The following ABI3BP variants were observed in gnomAD, a reference collection of about 807,000 sequenced individuals.
ABI3BP encodes ABI family member 3 binding protein, also known as target of Nesh-SH3.
In ABI3BP, 216 loss-of-function variants were observed where a neutral mutation model predicts 268.6. That is an observed-to-expected ratio of 0.80 (90% CI 0.72 to 0.90). The LOEUF is 0.90. Ranked by LOEUF, ABI3BP falls within the 40% of genes least tolerant of loss-of-function variation. ABI3BP has a pLI of 0.00. For missense variants in ABI3BP, 2,090 were observed against 2,182.4 expected (o/e 0.96, Z 0.84); for synonymous variants, 730 against 730.0 (o/e 1.00, Z 0.00).
At chr3:100,823,358 T>C (rs1182996018) in intron 37 of ABI3BP, 100 bp downstream of exon 37, 1 of 987,468 alleles carries the variant, frequency 1.0e-6, no homozygotes, top group Non-Finnish European at 1.5e-6. Flanking sequence ...AAGAGTTGAA[T>C]GGCCATCAAG....
At chr3:100,969,633 G>A (rs1215362717) in intron 1 of ABI3BP, among the ~76,000 whole-genome samples, 5 of 152,074 alleles carry the variant, frequency 3.3e-5, no homozygotes, top group South Asian at 4.1e-4. Flanking sequence ...TTTAAATCTC[G>A]AGGCATAGCT....
In ABI3BP at chr3:100,955,475, G is replaced by A. The variant is rs144755923; in HGVS notation, c.80-28994C>T. Among the ~76,000 whole-genome samples the A allele has an allele frequency of 5.1e-3, 767 of 151,606 alleles. 10 individuals are homozygous for A. Among genetic ancestry groups the A allele is most frequent in the African/African-American group, 0.016 (662 of 41,378 alleles). On this transcript the variant is annotated intron_variant, in intron 1 of 67. Transcript: ENST00000471714. ...GCAACTATTAAATATAGTGGCAGCC[G>A]TATTAGATGTTTGACTTATTTGTTT...
intron 1 of ABI3BP, among the ~76,000 whole-genome samples, chr3:100,961,187 C>A (rs1345494762): frequency 6.6e-6 from 1 of 152,238 alleles, no homozygotes. Context: ...TGATTTCAGG[C>A]ACTGAAATAC....
intron 1 of ABI3BP, among the ~76,000 whole-genome samples, chr3:100,976,634 C>T (rs1414211300): frequency 6.6e-6 from 1 of 152,108 alleles, no homozygotes; most frequent in Non-Finnish European, 1.5e-5. Flanking sequence ...TTTCATAATG[C>T]CTACCCTGGA....
chr3:100,977,808 T>C (rs143482491), intron 1 of ABI3BP, among the ~76,000 whole-genome samples: 122 of 152,306 alleles, frequency 8.0e-4, no homozygotes, highest in African/African-American at 2.8e-3. Context: ...ACTACCACAC[T>C]TAAATTTTTT....
At chr3:100,877,426 A>T (rs546961588) in intron 6 of ABI3BP, among the ~76,000 whole-genome samples, 1 of 152,306 alleles carries the variant, frequency 6.6e-6, no homozygotes, top group Non-Finnish European at 1.5e-5. Context: ...ACTTTCAACC[A>T]TTCTGCACAT....
In ABI3BP at chr3:100,978,756, C is replaced by A. The variant is rs1171515553; in HGVS notation, c.79+14550G>T. Among the ~76,000 whole-genome samples, 3 of 152,170 alleles carry A rather than the reference C, an allele frequency of 2.0e-5. No individual in the cohort carries two copies. In the East Asian group the frequency reaches 5.8e-4, roughly 29 times the overall value. ...AGTAAATTAGCTAAGTTTATATTAT[C>A]CACTTTCTTCAAAGTAGTACCCGAG... On this transcript the variant is annotated intron_variant, in intron 1 of 67. Transcript: ENST00000471714.
At chr3:100,847,983 T>C (rs181794248) in intron 18 of ABI3BP, among the ~76,000 whole-genome samples, 78 of 152,318 alleles carry the variant, frequency 5.1e-4, no homozygotes, top group African/African-American at 1.7e-3. Flanking sequence ...TGCTATAATA[T>C]ATATGTTATT....
At chr3:100,923,401 T>TA (rs2060870753) in intron 2 of ABI3BP, among the ~76,000 whole-genome samples, 1 of 152,210 alleles carries the variant, frequency 6.6e-6, no homozygotes, top group African/African-American at 2.4e-5. Flanking sequence ...GAATAAGGCA[T>TA]AGCTTGACTT....
In ABI3BP at chr3:100,993,379, G is replaced by C; in HGVS notation, c.6C>G (p.Leu2=). M[L]SSLGCLLLCG... ...AGAGAAGTAGACACCCCAAACTGGAGAGCATGTTGCATTTGCCACCTCGCA... is the reference window on the plus strand; with the variant it reads ...AGAGAAGTAGACACCCCAAACTGGACAGCATGTTGCATTTGCCACCTCGCA... Residue 2 remains leucine (L), a synonymous_variant, in exon 1 of 68, where the codon CTC becomes CTG. Coordinates refer to ENST00000471714, the MANE Select transcript of ABI3BP (RefSeq NM_001375547.2). 6.4e-7 allele frequency: 1 copy of C among 1,552,866 alleles called. No individual in the cohort carries two copies.
chr3:100,872,080 A>C (rs2153231492), intron 9 of ABI3BP, among the ~76,000 whole-genome samples: 1 of 152,238 alleles, frequency 6.6e-6, no homozygotes, highest in South Asian at 2.1e-4. Context: ...CTAGTCTCAA[A>C]CGATTCCCTG....
intron 26 of ABI3BP, chr3:100,837,471 T>C: frequency 3.9e-6 from 1 of 258,684 alleles, no homozygotes; most frequent in Non-Finnish European, 7.2e-6. Context: ...TTTAAAATGT[T>C]GGCCGGGCAC....
At position 100,864,848 on chromosome 3, in the gene ABI3BP, A is replaced by G. The variant is rs2099034757; in HGVS notation, c.1048T>C (p.Ser350Pro). The G allele has an allele frequency of 1.2e-6, 2 of 1,605,534 alleles. No individual in the cohort carries two copies. The highest frequency in any genetic ancestry group is 1.7e-5 in the Admixed American group (1 of 58,888). Residue 350 changes from serine to proline, a missense_variant, in exon 11 of 68, where the codon TCA becomes CCA. By Grantham distance (74) the Ser-to-Pro change is moderately conservative (BLOSUM62 -1). Transcript: ENST00000471714. ...KPTTSSALDV[S>P]ETTLVLSKRT... ...TTAGAATTACCCAGTGTTGTTTCTG[A>G]AACATCTAATGCACTAGACGTAGTG...
chr3:100,849,083 A>G (rs565622560), intron 17 of ABI3BP, among the ~76,000 whole-genome samples: 1 of 151,478 alleles, frequency 6.6e-6, no homozygotes, highest in African/African-American at 2.4e-5. Context: ...CTACATGAGA[A>G]TTGAAGATAT....
At chr3:100,764,907 G>C (rs963115516) in intron 63 of ABI3BP, among the ~76,000 whole-genome samples, 1 of 152,132 alleles carries the variant, frequency 6.6e-6, no homozygotes, top group Non-Finnish European at 1.5e-5. Context: ...AAAACCCCAT[G>C]CTTGTGAAAG....
chr3:100,852,588 G>T (rs1413944728), intron 14 of ABI3BP, among the ~76,000 whole-genome samples: 1 of 152,088 alleles, frequency 6.6e-6, no homozygotes, highest in Non-Finnish European at 1.5e-5. Context: ...CACTGAAATT[G>T]TCCCATCCAG....
intron 1 of ABI3BP, among the ~76,000 whole-genome samples, chr3:100,959,627 G>A (rs1269636364): frequency 6.6e-6 from 1 of 151,880 alleles, no homozygotes; most frequent in Non-Finnish European, 1.5e-5. Flanking sequence ...GCATTTAAAG[G>A]TTGGAGAAAA....
At chr3:100,816,863 G>A (rs967112073) in intron 42 of ABI3BP, 95 bp from the exon 43 acceptor site, 1 of 780,444 alleles carries the variant, frequency 1.3e-6, no homozygotes, top group Middle Eastern at 2.3e-4. Context: ...TGAGATTTAA[G>A]TCATATGTCT....
At chr3:100,859,232 C>T (rs567481877) in intron 14 of ABI3BP, among the ~76,000 whole-genome samples, 4 of 152,268 alleles carry the variant, frequency 2.6e-5, no homozygotes, top group East Asian at 3.9e-4. Flanking sequence ...AATATAGATG[C>T]ATCATACCCC....
Sources: gnomAD v4.1 joint callset for allele counts (sites outside exome capture counted in the v4.1 genomes callset) on GRCh38, gnomAD v4.1.1 for gene constraint, MANE v1.5 for transcripts, NCBI Gene and HGNC (gene_info 2026-07-23, HGNC 2026-07-21) for gene names.